ADAP1: variants seen among roughly 807,000 people sequenced by gnomAD.
ADAP1 encodes the protein arf-GAP with dual PH domain-containing protein 1.
In ADAP1, 31 loss-of-function variants were observed where a neutral mutation model predicts 54.9. The observed-to-expected ratio is 0.56, with a 90% CI of 0.42 to 0.76. ADAP1 has a LOEUF of 0.76. Ranked by LOEUF, ADAP1 falls within the 30% of genes least tolerant of loss-of-function variation. The pLI is 0.00. For missense variants in ADAP1, 535 were observed against 512.4 expected (o/e 1.04, Z -0.42); for synonymous variants, 313 against 202.6 (o/e 1.55, Z -4.63).
At chr7:934,927 C>T (rs1051122333) in intron 2 of ADAP1, among the ~76,000 whole-genome samples, 5 of 152,286 alleles carry the variant, frequency 3.3e-5, no homozygotes, top group African/African-American at 1.2e-4. Context: ...GTGCCCTACA[C>T]GGCAGCGGGC....
At chr7:900,199 A>G (rs758167455) in intron 7 of ADAP1, 35 bp from the exon 8 acceptor site, 11 of 1,611,730 alleles carry the variant, frequency 6.8e-6, no homozygotes, top group Non-Finnish European at 2.5e-6. Context: ...GGACCTCAGA[A>G]GTGCAGCTCA....
intron 4 of ADAP1, among the ~76,000 whole-genome samples, chr7:913,078 A>G (rs115399110): frequency 0.014 from 2,135 of 152,142 alleles, 45 homozygotes; most frequent in African/African-American, 0.048. Context: ...CTCCTGGCTC[A>G]AGCAACCCTC....
At chr7:942,198 A>T (rs1846955269) in intron 1 of ADAP1, among the ~76,000 whole-genome samples, 1 of 152,210 alleles carries the variant, frequency 6.6e-6, no homozygotes, top group South Asian at 2.1e-4. Context: ...TTAAAAGAAA[A>T]CAGGAGAAAA....
rs144738798 is a variant in ADAP1 at position 906,413 on chromosome 7, AG to A, written c.389-1242del. On this transcript the variant is annotated intron_variant, in intron 4 of 10. Transcript: ENST00000265846. Reference sequence around the variant, plus strand: ...GAGAAAGGAGAAAGGGAAAGGAGAAAGGGAGAAAGGGAAAGGAGAAAGGAGA... The same window carrying A: ...GAGAAAGGAGAAAGGGAAAGGAGAAAGGAGAAAGGGAAAGGAGAAAGGAGA... Among the ~76,000 whole-genome samples the A allele has an allele frequency of 7.0e-3, 12 of 1,726 alleles. 1 individual carries two copies. The highest frequency in any genetic ancestry group is 0.01 in the Admixed American group (2 of 196). The allele number at this position is 1,726 out of a possible 152,430, so 1.1% of individuals were successfully genotyped here. A position where few individuals can be genotyped will look rare whatever the true frequency, so the allele number is the denominator to read the frequency against.
chr7:928,652 C>T (rs1846466530), intron 2 of ADAP1, among the ~76,000 whole-genome samples: 1 of 152,210 alleles, frequency 6.6e-6, no homozygotes, highest in South Asian at 2.1e-4. Flanking sequence ...ATGAAAACCT[C>T]AATGAGCTAC....
intron 4 of ADAP1, among the ~76,000 whole-genome samples, chr7:918,540 T>C (rs1846027327): frequency 6.6e-6 from 1 of 152,280 alleles, no homozygotes; most frequent in Admixed American, 6.5e-5. Context: ...GCCTCTCTCT[T>C]ACACAAGGGC....
At position 907,224 on chromosome 7, in the gene ADAP1, G is replaced by C. The variant is rs145343022; in HGVS notation, c.389-2052C>G. 3.2e-3 allele frequency among the ~76,000 whole-genome samples: 482 copies of C among 152,294 alleles called. 1 individual carries two copies. Among genetic ancestry groups the C allele is most frequent in the Non-Finnish European group, 5.9e-3 (400 of 68,010 alleles). On this transcript the variant is annotated intron_variant, in intron 4 of 10. Transcript: ENST00000265846. ...CCCGGGCATCCCCCTGGGAGCCTAA[G>C]CACCTGGACACGCCACCTTCTATGG...
rs1416559131 is a variant in ADAP1 at position 898,497 on chromosome 7, G to A, written c.*424C>T. Reference sequence around the variant, plus strand: ...GTGGGGGGAGGGCGGGGCGGCATGCGAGCAGGGCCCAGTCCCCAGCGGCCG... The same window carrying A: ...GTGGGGGGAGGGCGGGGCGGCATGCAAGCAGGGCCCAGTCCCCAGCGGCCG... On this transcript the variant is annotated 3_prime_UTR_variant, in exon 11 of 11. Coordinates refer to ENST00000265846, the MANE Select transcript of ADAP1 (RefSeq NM_006869.4). 3 of 243,500 alleles carry A rather than the reference G, an allele frequency of 1.2e-5. No homozygotes were observed. Among genetic ancestry groups the A allele is most frequent in the Non-Finnish European group, 1.6e-5 (2 of 122,924 alleles). The allele number at this position is 243,500 out of a possible 1,614,324, so 15.1% of individuals were successfully genotyped here. A position where few individuals can be genotyped will look rare whatever the true frequency, so the allele number is the denominator to read the frequency against.
chr7:907,659 C>T (rs1009353204), intron 4 of ADAP1, among the ~76,000 whole-genome samples: 3 of 152,188 alleles, frequency 2.0e-5, no homozygotes, highest in African/African-American at 7.2e-5. Flanking sequence ...CTGTGTCCTG[C>T]GGACTCAGAT....
At chr7:931,221 A>G (rs961686299) in intron 2 of ADAP1, among the ~76,000 whole-genome samples, 2 of 152,186 alleles carry the variant, frequency 1.3e-5, no homozygotes, top group African/African-American at 4.8e-5. Flanking sequence ...ACGGTGCTCA[A>G]AGGTGGGAGA....
rs566540655 is a variant in ADAP1 at position 914,484 on chromosome 7, G to C, written c.388+5484C>G. Among the ~76,000 whole-genome samples, 30 of 152,286 alleles carry C rather than the reference G, an allele frequency of 2.0e-4. No homozygotes were observed. In the South Asian group the frequency reaches 5.8e-3, roughly 29 times the overall value. On this transcript the variant is annotated intron_variant, in intron 4 of 10. Transcript: ENST00000265846. ...CTGGCGCTGGAGCCCTGTGGAGGAGGCTCTGCCCACGGGGCCGCCCCAGAC... is the reference window on the plus strand; with the variant it reads ...CTGGCGCTGGAGCCCTGTGGAGGAGCCTCTGCCCACGGGGCCGCCCCAGAC...
intron 4 of ADAP1, among the ~76,000 whole-genome samples, chr7:913,916 C>T (rs1845827964): frequency 6.6e-6 from 1 of 152,174 alleles, no homozygotes; most frequent in Non-Finnish European, 1.5e-5. Flanking sequence ...GCCTGGGCAA[C>T]AGAGCAGGAA....
chr7:898,698 AGCATGACG>A lies in ADAP1; in HGVS notation c.*215_*222del, dbSNP rs1844625382. On this transcript the variant is annotated 3_prime_UTR_variant, in exon 11 of 11. Coordinates refer to ENST00000265846, the MANE Select transcript of ADAP1 (RefSeq NM_006869.4). ...AGGTTGGCTGGGTGTGGTCAGCAGC[AGCATGACG>A]GGGTTAGAGATCAGGCCCAGGGCCT... 1.6e-6 allele frequency: 1 copy of A among 612,006 alleles called. No homozygotes were observed. Among genetic ancestry groups the A allele is most frequent in the Admixed American group, 2.9e-5 (1 of 34,078 alleles). 37.9% of individuals were successfully genotyped at this position (612,006 alleles called of 1,614,324 possible).
chr7:900,459 G>A (rs1032083363), intron 7 of ADAP1, 74 bp downstream of exon 7: 15 of 1,457,202 alleles, frequency 1.0e-5, no homozygotes, highest in South Asian at 3.7e-5. Flanking sequence ...CAGACTCAGG[G>A]CACGAGGGCT....
At chr7:955,223 A>T, upstream of ADAP1, 1 of 1,383,700 alleles carries the variant, frequency 7.2e-7, no homozygotes, top group Non-Finnish European at 1.0e-6. Flanking sequence ...CCACTCAGGC[A>T]GGCTGAGGGG....
intron 6 of ADAP1, among the ~76,000 whole-genome samples, chr7:903,428 C>A (rs189490000): frequency 1.3e-5 from 2 of 152,120 alleles, no homozygotes; most frequent in Admixed American, 1.3e-4. Flanking sequence ...CAATTCCCAA[C>A]GGGGGTTAGG....
chr7:924,738 C>G (rs965577174), intron 3 of ADAP1, among the ~76,000 whole-genome samples: 1 of 151,762 alleles, frequency 6.6e-6, no homozygotes, highest in Non-Finnish European at 1.5e-5. Context: ...CACCCCCAGC[C>G]CCCCGCACCC....
rs1165228157 is a variant in ADAP1, at chr7:946,358, A to T, written c.82+8038T>A. On this transcript the variant is annotated intron_variant, in intron 1 of 10. Coordinates refer to ENST00000265846, the MANE Select transcript of ADAP1 (RefSeq NM_006869.4). This position sits in a 1 kb window ranked among gnomAD's most constrained non-coding sequence, Gnocchi z 4.3. ...CCAGGCCCCAGGCCCCCACCCCCTC[A>T]CGCTCACGGGCGGCCCTGGTCCCAT... Among the ~76,000 whole-genome samples, 2 of 149,256 alleles carry T rather than the reference A, an allele frequency of 1.3e-5. No homozygotes were observed. The highest frequency in any genetic ancestry group is 3.0e-5 in the Non-Finnish European group (2 of 67,322).
rs556800586 is a variant in ADAP1, at chr7:946,963, G to A, written c.82+7433C>T. On this transcript the variant is annotated intron_variant, in intron 1 of 10. Coordinates refer to ENST00000265846, the MANE Select transcript of ADAP1 (RefSeq NM_006869.4). This position sits in a 1 kb window ranked among gnomAD's most constrained non-coding sequence, Gnocchi z 4.3. Reference sequence around the variant, plus strand: ...CCTGGGCAACATAGTGAGACACCGCGACTCCATCCTTATGAAAAAATTTTC... The same window carrying A: ...CCTGGGCAACATAGTGAGACACCGCAACTCCATCCTTATGAAAAAATTTTC... Among the ~76,000 whole-genome samples, 29 of 152,276 alleles carry A rather than the reference G, an allele frequency of 1.9e-4. No homozygotes were observed. Among genetic ancestry groups the A allele is most frequent in the Non-Finnish European group, 3.5e-4 (24 of 68,020 alleles).
Sources: gnomAD v4.1 joint callset for allele counts (sites outside exome capture counted in the v4.1 genomes callset) on GRCh38, gnomAD v4.1.1 for gene constraint, Gnocchi (gnomAD v3.1) non-coding constraint, MANE v1.5 for transcripts, NCBI Gene and HGNC (gene_info 2026-07-23, HGNC 2026-07-21) for gene names.